The following CLSTN2 variants were observed in gnomAD, a reference collection of about 807,000 sequenced individuals.
CLSTN2 encodes calsyntenin 2, also known as calsyntenin-2.
CLSTN2 carries 48 observed loss-of-function variants against 101.2 expected under a neutral mutation model. The ratio of observed to expected loss-of-function variants is 0.47; its 90% CI spans 0.38 to 0.60. The LOEUF (loss-of-function observed/expected upper bound fraction) is 0.60. CLSTN2 is among the 20% of genes least tolerant of loss of function. CLSTN2 has a pLI of 0.00. For synonymous variants in CLSTN2, 481 were observed against 463.6 expected, an observed-to-expected ratio of 1.04 and a Z score of -0.48; for missense variants, 1,160 against 1,238.2, an observed-to-expected ratio of 0.94 and a Z score of 0.95.
intron 1 of CLSTN2, among the ~76,000 whole-genome samples, chr3:139,994,058 G>A (rs1223509935): frequency 2.6e-5 from 4 of 152,210 alleles, no homozygotes; most frequent in Non-Finnish European, 5.9e-5. Context: ...CCAGTGGAGC[G>A]CTGAGTTAAC....
intron 1 of CLSTN2, among the ~76,000 whole-genome samples, chr3:140,010,707 C>G (rs1375168560): frequency 1.3e-5 from 2 of 152,166 alleles, no homozygotes; most frequent in Non-Finnish European, 2.9e-5. Flanking sequence ...TCCCACCATC[C>G]ACTGCACTCC....
At chr3:140,067,238 C>T (rs1034235836) in intron 1 of CLSTN2, among the ~76,000 whole-genome samples, 2 of 148,036 alleles carry the variant, frequency 1.4e-5, no homozygotes, top group Non-Finnish European at 3.0e-5. Context: ...GTAACACATG[C>T]TTGGGGCTGA....
chr3:140,236,933 A>G (rs1442150035), intron 2 of CLSTN2, among the ~76,000 whole-genome samples: 1 of 151,228 alleles, frequency 6.6e-6, no homozygotes, highest in African/African-American at 2.4e-5. Flanking sequence ...TATGGAATAT[A>G]TTTATAATAT....
In CLSTN2 at chr3:140,190,774, G is replaced by A. The variant is rs114986852; in HGVS notation, c.232+14701G>A. ...TTATGTGTATGGTGCTATGTTTTATGTTATGCAACCTTGCTGAATTTAATA... is the reference window on the plus strand; with the variant it reads ...TTATGTGTATGGTGCTATGTTTTATATTATGCAACCTTGCTGAATTTAATA... On this transcript the variant is annotated intron_variant, in intron 2 of 16. Transcript: ENST00000458420. Among the ~76,000 whole-genome samples the A allele has an allele frequency of 6.2e-3, 946 of 152,070 alleles. 11 individuals are homozygous for A. The highest frequency in any genetic ancestry group is 0.021 in the African/African-American group (889 of 41,484).
At chr3:140,020,687 G>A (rs754480289) in intron 1 of CLSTN2, among the ~76,000 whole-genome samples, 5 of 152,122 alleles carry the variant, frequency 3.3e-5, no homozygotes, top group Non-Finnish European at 5.9e-5. Flanking sequence ...TTCTCCTCCC[G>A]CTAGGCTGAC....
intron 1 of CLSTN2, among the ~76,000 whole-genome samples, chr3:140,161,329 G>C (rs2010043018): frequency 6.6e-6 from 1 of 152,166 alleles, no homozygotes; most frequent in South Asian, 2.1e-4. Flanking sequence ...GCCTTTTACA[G>C]AGATGATTTA....
intron 2 of CLSTN2, among the ~76,000 whole-genome samples, chr3:140,203,818 C>T (rs2010749024): frequency 6.6e-6 from 1 of 152,128 alleles, no homozygotes; most frequent in Non-Finnish European, 1.5e-5. Context: ...GAGGGAGAGG[C>T]TGCAAAGATT....
intron 8 of CLSTN2, among the ~76,000 whole-genome samples, chr3:140,491,799 G>C (rs1477252030): frequency 6.6e-6 from 1 of 152,230 alleles, no homozygotes; most frequent in Admixed American, 6.5e-5. Context: ...TCCAGCCTGG[G>C]CAACTGGAGT....
intron 1 of CLSTN2, among the ~76,000 whole-genome samples, chr3:139,982,934 A>G (rs1935955897): frequency 6.6e-6 from 1 of 150,642 alleles, no homozygotes; most frequent in Admixed American, 6.7e-5. Context: ...TACACATATG[A>G]CTATATATAT....
At chr3:140,419,353 T>C (rs12054009) in intron 4 of CLSTN2, among the ~76,000 whole-genome samples, 83,554 of 145,260 alleles carry the variant, frequency 0.58, 26,419 homozygotes, top group African/African-American at 0.86. Flanking sequence ...CGTGGTGGCA[T>C]ATACCTATAG....
chr3:140,261,709 T>C (rs1313587728), intron 2 of CLSTN2, among the ~76,000 whole-genome samples: 2 of 152,192 alleles, frequency 1.3e-5, no homozygotes, highest in Non-Finnish European at 2.9e-5. Flanking sequence ...TACGTGTGTG[T>C]GTGTGTTACT....
intron 1 of CLSTN2, among the ~76,000 whole-genome samples, chr3:140,154,911 A>G (rs1461094422): frequency 6.6e-6 from 1 of 151,952 alleles, no homozygotes; most frequent in Non-Finnish European, 1.5e-5. Flanking sequence ...GGGAAGTACC[A>G]CACTTTTAAA....
intron 8 of CLSTN2, among the ~76,000 whole-genome samples, chr3:140,528,361 C>T (rs1288421641): frequency 6.6e-6 from 1 of 152,166 alleles, no homozygotes; most frequent in African/African-American, 2.4e-5. Flanking sequence ...ATTGCACACT[C>T]TTCACCTTTT....
chr3:140,185,137 C>T (rs1462668292), intron 2 of CLSTN2, among the ~76,000 whole-genome samples: 4 of 152,176 alleles, frequency 2.6e-5, no homozygotes, highest in Middle Eastern at 3.4e-3. Context: ...TTGCTATATC[C>T]CAAGTCCGGG....
intron 2 of CLSTN2, among the ~76,000 whole-genome samples, chr3:140,256,833 GT>G (rs1430697736): frequency 2.6e-5 from 4 of 152,152 alleles, no homozygotes; most frequent in Non-Finnish European, 5.9e-5. Flanking sequence ...ATGCATTGAG[GT>G]TTTTTGGTTT....
At chr3:140,042,858 CT>C (rs1458104120) in intron 1 of CLSTN2, among the ~76,000 whole-genome samples, 2 of 152,118 alleles carry the variant, frequency 1.3e-5, no homozygotes, top group African/African-American at 2.4e-5. Context: ...TGAACTCATC[CT>C]TTTTTATGGC....
intron 2 of CLSTN2, among the ~76,000 whole-genome samples, chr3:140,311,683 A>C (rs567622979): frequency 6.6e-6 from 1 of 152,046 alleles, no homozygotes; most frequent in African/African-American, 2.4e-5. Flanking sequence ...CATCATGACA[A>C]CACCATGAGA....
rs771722704 is a variant in CLSTN2, at chr3:140,345,253, C to CTT, written c.233-58365_233-58364dup. Among the ~76,000 whole-genome samples, 22 of 142,850 alleles carry CTT rather than the reference C, an allele frequency of 1.5e-4. No homozygotes were observed. In the East Asian group the frequency reaches 4.0e-3, roughly 26 times the overall value. 93.7% of individuals were successfully genotyped at this position (142,850 alleles called of 152,430 possible). On this transcript the variant is annotated intron_variant, in intron 2 of 16. Transcript: ENST00000458420. ...CATTGAGTGGATATAGCCTTTTTTT[C>CTT]TTTTTTTTTTTTGAGACAGAGTTTC...
At chr3:140,015,991 C>A (rs1019450999) in intron 1 of CLSTN2, among the ~76,000 whole-genome samples, 1 of 152,264 alleles carries the variant, frequency 6.6e-6, no homozygotes, top group African/African-American at 2.4e-5. Context: ...AGCCATGTCA[C>A]TGCCCTGAAG....
Sources: gnomAD v4.1 joint callset for allele counts (sites outside exome capture counted in the v4.1 genomes callset) on GRCh38, gnomAD v4.1.1 for gene constraint, MANE v1.5 for transcripts, NCBI Gene and HGNC (gene_info 2026-07-23, HGNC 2026-07-21) for gene names.